The following PTPN2 variants were observed in gnomAD, a reference collection of about 807,000 sequenced individuals.
PTPN2 encodes the protein protein tyrosine phosphatase non-receptor type 2.
A neutral mutation model predicts 57.3 loss-of-function variants in PTPN2; 19 were observed. That is an observed-to-expected ratio of 0.33 (90% CI 0.23 to 0.49). PTPN2 has a LOEUF of 0.49. PTPN2 is among the 20% of genes least tolerant of loss of function. The pLI is 0.99. For synonymous variants in PTPN2, 153 were observed against 164.9 expected (o/e 0.93, Z 0.55); for missense variants, 358 against 501.1 (o/e 0.71, Z 2.73).
intron 5 of PTPN2, among the ~76,000 whole-genome samples, chr18:12,817,686 GT>G (rs890378643): frequency 1.3e-4 from 20 of 152,272 alleles, no homozygotes; most frequent in Admixed American, 1.1e-3. Context: ...GAAACAAAGG[GT>G]AAGATAGTTT....
chr18:12,850,587 TTA>T (rs2043358464), intron 2 of PTPN2, among the ~76,000 whole-genome samples: 1 of 152,152 alleles, frequency 6.6e-6, no homozygotes, highest in African/African-American at 2.4e-5. Context: ...AAGCAGTATT[TTA>T]TATATTGTTT....
At chr18:12,871,029 G>C (rs2044254490) in intron 1 of PTPN2, among the ~76,000 whole-genome samples, 1 of 151,996 alleles carries the variant, frequency 6.6e-6, no homozygotes, top group African/African-American at 2.4e-5. Flanking sequence ...ATATAAGCCA[G>C]ACTGCCTGTC....
chr18:12,860,166 GTAA>G (rs2043744747), intron 1 of PTPN2, among the ~76,000 whole-genome samples: 2 of 152,114 alleles, frequency 1.3e-5, no homozygotes, highest in Non-Finnish European at 2.9e-5. Context: ...ATGGGTGCCT[GTAA>G]TCCCAGCTAC....
chr18:12,863,752 C>T (rs569608643), intron 1 of PTPN2: 2 of 152,168 alleles, frequency 1.3e-5, no homozygotes, highest in South Asian at 4.2e-4. Context: ...AGAGAACCAC[C>T]GTTCTCATTT....
intron 7 of PTPN2, among the ~76,000 whole-genome samples, chr18:12,808,182 A>G (rs986501362): frequency 2.2e-4 from 34 of 152,124 alleles, no homozygotes; most frequent in African/African-American, 7.7e-4. Context: ...ATGAGACCCT[A>G]TCTCGAAAAA....
In PTPN2 at chr18:12,820,187, C is replaced by CATG. The variant is rs1405788770; in HGVS notation, c.496-2823_496-2822insCAT. Among the ~76,000 whole-genome samples, 156 of 152,260 alleles carry CATG rather than the reference C, an allele frequency of 1.0e-3. 1 individual carries two copies. Among genetic ancestry groups the CATG allele is most frequent in the African/African-American group, 3.6e-3 (149 of 41,526 alleles). On this transcript the variant is annotated intron_variant, in intron 5 of 8. Transcript: ENST00000309660. ...GTCTGGGATATTGGAAGCCAGTTCC[C>CATG]AGAAATGCTCATGACTATTTGTATA...
At chr18:12,841,810 T>C (rs572255979) in intron 2 of PTPN2, among the ~76,000 whole-genome samples, 1 of 152,176 alleles carries the variant, frequency 6.6e-6, no homozygotes, top group African/African-American at 2.4e-5. Context: ...ATAGGTAAAA[T>C]TCATTAGTTT....
At chr18:12,822,087 G>C (rs1429826983) in intron 5 of PTPN2, among the ~76,000 whole-genome samples, 1 of 152,168 alleles carries the variant, frequency 6.6e-6, no homozygotes, top group African/African-American at 2.4e-5. Context: ...AATCATAGCT[G>C]TTAGGGATCA....
At position 12,859,222 on chromosome 18, in the gene PTPN2, A is replaced by G; in HGVS notation, c.102T>C (p.His34=). ...EIRNESHDYP[H]RVAKFPENRN... is the part of the protein sequence containing the mutation. ...TGTTTTCTGGAAACTTGGCCACTCT[A>G]TGAGGATAGTCATGGGACTCATTTC... Residue 34 remains histidine (H), a synonymous_variant, in exon 2 of 9, where the codon CAT becomes CAC. Transcript: ENST00000309660. 5.0e-6 allele frequency: 8 copies of G among 1,613,186 alleles called. No homozygotes were observed. Among genetic ancestry groups the G allele is most frequent in the Non-Finnish European group, 6.8e-6 (8 of 1,179,228 alleles).
intron 1 of PTPN2, among the ~76,000 whole-genome samples, chr18:12,870,462 T>TAGAGAGAGAGAGAG (rs762120431): frequency 2.3e-4 from 4 of 17,710 alleles, no homozygotes; most frequent in African/African-American, 9.7e-4. Flanking sequence ...TATATATATA[T>TAGAGAGAGAGAGAG]AGAGAGAGAG....
intron 2 of PTPN2, chr18:12,843,913 T>A (rs2043131437): frequency 1.3e-5 from 2 of 152,126 alleles, no homozygotes; most frequent in African/African-American, 4.8e-5. Context: ...ACCTATTCCA[T>A]CAGCACAAAG....
At position 12,870,384 on chromosome 18, in the gene PTPN2, C is replaced by T. The variant is rs9959368; in HGVS notation, c.70-11130G>A. On this transcript the variant is annotated intron_variant, in intron 1 of 8. Coordinates refer to ENST00000309660, the MANE Select transcript of PTPN2 (RefSeq NM_002828.4). ...ATATGTGTATATATACATATATATA[C>T]GTATATATGTATATATACACGTATA... Among the ~76,000 whole-genome samples, 56 of 36,720 alleles carry T rather than the reference C, an allele frequency of 1.5e-3. 2 individuals carry two copies. The highest frequency in any genetic ancestry group is 0.016 in the Middle Eastern group (1 of 64). 24.1% of individuals were successfully genotyped at this position (36,720 alleles called of 152,430 possible).
At chr18:12,834,906 G>A (rs2042800051) in intron 3 of PTPN2, among the ~76,000 whole-genome samples, 1 of 152,006 alleles carries the variant, frequency 6.6e-6, no homozygotes, top group South Asian at 2.1e-4. Flanking sequence ...ATATACACAA[G>A]GGACTGGCTC....
rs2042642505 is a variant in PTPN2 at position 12,830,834 on chromosome 18, G to T, written c.360+109C>A. 2.4e-5 allele frequency: 18 copies of T among 744,708 alleles called. 1 individual carries two copies. In the East Asian group the frequency reaches 5.2e-4, roughly 21 times the overall value. 46.1% of individuals were successfully genotyped at this position (744,708 alleles called of 1,614,324 possible). ...GAAACACTTTGACCGCTAGCCTTTAGCAATTAAAGGCCAAAACTAAGGAAT... is the reference window on the plus strand; with the variant it reads ...GAAACACTTTGACCGCTAGCCTTTATCAATTAAAGGCCAAAACTAAGGAAT... On this transcript the variant is annotated intron_variant, in intron 4 of 8. Transcript: ENST00000309660.
chr18:12,805,650 T>G (rs1328584960), intron 7 of PTPN2, among the ~76,000 whole-genome samples: 1 of 150,464 alleles, frequency 6.6e-6, no homozygotes, highest in African/African-American at 2.4e-5. Flanking sequence ...TTTTTTTTTT[T>G]TTTTTTTGAG....
rs564168477 is a variant in PTPN2 at position 12,875,998 on chromosome 18, G to A, written c.69+8075C>T. The stretch of plus-strand genomic sequence containing the variant: ...TGAAGCCGGAAGATCGCTTTAGCCC[G>A]GGAGTTCGAGACCAGTCTGGACAAC... On this transcript the variant is annotated intron_variant, in intron 1 of 8. Coordinates refer to ENST00000309660, the MANE Select transcript of PTPN2 (RefSeq NM_002828.4). 6.7e-4 allele frequency among the ~76,000 whole-genome samples: 102 copies of A among 152,218 alleles called. No homozygotes were observed. The South Asian group carries it at 8.7e-3, about 13-fold the overall frequency.
chr18:12,793,052 G>GGTATGCTATCCATAATAAT lies in PTPN2; in HGVS notation c.*1207_*1225dup, dbSNP rs1232482843. 1.0e-6 allele frequency: 1 copy of GGTATGCTATCCATAATAAT among 985,178 alleles called. No individual in the cohort carries two copies. Among genetic ancestry groups the GGTATGCTATCCATAATAAT allele is most frequent in the Non-Finnish European group, 1.2e-6 (1 of 829,910 alleles). 61.0% of individuals were successfully genotyped at this position (985,178 alleles called of 1,614,324 possible). On this transcript the variant is annotated 3_prime_UTR_variant, in exon 9 of 9. Coordinates refer to ENST00000309660, the MANE Select transcript of PTPN2 (RefSeq NM_002828.4). ...CATAGTTTGAAAACCACTGAAATAA[G>GGTATGCTATCCATAATAAT]GTATGCTATCCATAATAATGTATGC... is the stretch of plus-strand genomic sequence containing the variant.
chr18:12,853,009 T>C (rs1198509092), intron 2 of PTPN2, among the ~76,000 whole-genome samples: 1 of 152,236 alleles, frequency 6.6e-6, no homozygotes, highest in Non-Finnish European at 1.5e-5. Context: ...TATCTTACAA[T>C]ATCTGTAACA....
At chr18:12,806,321 G>A (rs906749467) in intron 7 of PTPN2, among the ~76,000 whole-genome samples, 3 of 152,004 alleles carry the variant, frequency 2.0e-5, no homozygotes, top group African/African-American at 4.8e-5. Context: ...GGACACAAAT[G>A]GAAAGATAGC....
Sources: allele counts gnomAD v4.1 joint callset (sites outside exome capture counted in the v4.1 genomes callset), GRCh38; gene constraint gnomAD v4.1.1; transcripts MANE v1.5; gene names NCBI Gene and HGNC (gene_info 2026-07-23, HGNC 2026-07-21).